The following ARGLU1 variants were observed in gnomAD, a reference collection of about 807,000 sequenced individuals.
ARGLU1 encodes arginine and glutamate-rich protein 1.
Under a neutral mutation model 37.6 loss-of-function variants are expected in ARGLU1, and 9 were observed. The observed-to-expected ratio is 0.24, with a 90% confidence interval of 0.14 to 0.42. The LOEUF (loss-of-function observed/expected upper bound fraction) is 0.42, where lower values mean the gene tolerates loss of function less well. ARGLU1 is among the 10% of genes least tolerant of loss of function. The pLI is 1.00. For missense variants in ARGLU1, 211 were observed against 359.2 expected (o/e 0.59, Z 3.34); for synonymous variants, 166 against 138.5 (o/e 1.20, Z -1.39).
In ARGLU1 at chr13:106,567,885, G is replaced by C; in HGVS notation, c.35C>G (p.Ser12Cys). 6.2e-7 allele frequency: 1 copy of C among 1,610,994 alleles called. No homozygotes were observed. Among genetic ancestry groups the C allele is most frequent in the Non-Finnish European group, 8.5e-7 (1 of 1,179,630 alleles). Residue 12 changes from serine to cysteine, a missense_variant, in exon 1 of 4, where the codon TCC becomes TGC. Physicochemically the swap from Ser to Cys is moderately radical, Grantham distance 112. This residue lies in a region of ARGLU1 where 130 missense variants were observed against 179.8 expected (regional missense o/e 0.72). Transcript: ENST00000400198. This position sits in a 1 kb window ranked among gnomAD's most constrained non-coding sequence, Gnocchi z 4.3. ...GRSRSRSSSR[S>C]KHTKSSKHNK... is the part of the protein sequence containing the mutation. The stretch of plus-strand genomic sequence containing the variant: ...GTGCTTGCTGCTCTTGGTGTGCTTG[G>C]AGCGGGACGAGCTCCGGCTCCGAGA...
chr13:106,557,229 T>TA lies in ARGLU1; in HGVS notation c.574-99dup. 9.3e-7 allele frequency: 1 copy of TA among 1,072,226 alleles called. No homozygotes were observed. Among genetic ancestry groups the TA allele is most frequent in the Admixed American group, 2.0e-5 (1 of 50,460 alleles). The allele number at this position is 1,072,226 out of a possible 1,614,324, so 66.4% of individuals were successfully genotyped here. A position where few individuals can be genotyped will look rare whatever the true frequency, so the allele number is the denominator to read the frequency against. On this transcript the variant is annotated intron_variant, in intron 2 of 3. Transcript: ENST00000400198. This position sits in a 1 kb window ranked among gnomAD's most constrained non-coding sequence, Gnocchi z 5.0. ...TCCTCTGAACTTTTTTGATATGACTTACAGGGTAGCTTTATAGCTACCTTC... is the reference window on the plus strand; with the variant it reads ...TCCTCTGAACTTTTTTGATATGACTTAACAGGGTAGCTTTATAGCTACCTTC...
intron 1 of ARGLU1, among the ~76,000 whole-genome samples, chr13:106,560,203 T>A (rs926086748): frequency 6.6e-6 from 1 of 152,238 alleles, no homozygotes; most frequent in African/African-American, 2.4e-5. Flanking sequence ...AGTTTTGAAC[T>A]GAAGTTCTTT....
At chr13:106,558,054 CA>C in intron 2 of ARGLU1, 1 of 984,986 alleles carries the variant, frequency 1.0e-6, no homozygotes, top group Non-Finnish European at 1.2e-6. Context: ...GAGCAGTGTT[CA>C]GATCACAGCA....
rs11349875 is a variant in ARGLU1 at position 106,543,825 on chromosome 13, G to GA, written c.*170dup. The GA allele has an allele frequency of 0.03, 12,277 of 406,932 alleles. 29 individuals carry two copies. The highest frequency in any genetic ancestry group is 0.065 in the East Asian group (1,406 of 21,586). The allele number at this position is 406,932 out of a possible 1,614,324, so 25.2% of individuals were successfully genotyped here. On this transcript the variant is annotated 3_prime_UTR_variant, in exon 4 of 4. Transcript: ENST00000400198. ...TGATAAGGATTTGACTTAGTGGAAG[G>GA]AAAAAAAAAAAAAAAAAGGGAATTG... is the stretch of plus-strand genomic sequence containing the variant.
chr13:106,563,292 G>A (rs1296641676), intron 1 of ARGLU1, among the ~76,000 whole-genome samples: 2 of 152,082 alleles, frequency 1.3e-5, no homozygotes, highest in African/African-American at 2.4e-5. Flanking sequence ...CCTATGCAGT[G>A]GGTATGTATC....
At chr13:106,554,960 A>G (rs1880626294) in intron 3 of ARGLU1, among the ~76,000 whole-genome samples, 1 of 152,138 alleles carries the variant, frequency 6.6e-6, no homozygotes, top group Admixed American at 6.6e-5. Context: ...ATAAGCAAAC[A>G]TGTTAAATAT....
chr13:106,563,008 A>AC (rs1880857134), intron 1 of ARGLU1, among the ~76,000 whole-genome samples: 1 of 108,746 alleles, frequency 9.2e-6, no homozygotes, highest in Non-Finnish European at 1.8e-5. Context: ...AAAAAAAAAA[A>AC]CAAAAAAAAA....
In ARGLU1 at chr13:106,543,934, A is replaced by T; in HGVS notation, c.*62T>A. On this transcript the variant is annotated 3_prime_UTR_variant, in exon 4 of 4. Transcript: ENST00000400198. ...AAAAACAAAAACAAAAAACCACTTC[A>T]ACATGAAGCTACCATACAAAGTTTT... The T allele has an allele frequency of 6.7e-7, 1 of 1,488,344 alleles. No individual in the cohort carries two copies. The highest frequency in any genetic ancestry group is 9.0e-7 in the Non-Finnish European group (1 of 1,113,850). The allele number at this position is 1,488,344 out of a possible 1,614,324, so 92.2% of individuals were successfully genotyped here.
intron 1 of ARGLU1, among the ~76,000 whole-genome samples, chr13:106,566,050 A>G (rs1224706931): frequency 6.6e-6 from 1 of 152,234 alleles, no homozygotes; most frequent in Non-Finnish European, 1.5e-5. Flanking sequence ...AACTTTTCAT[A>G]CATCCATCTG....
chr13:106,567,800 ACGCTTCCGCACG>A lies in ARGLU1; in HGVS notation c.108_119del (p.Val37_Arg40del), dbSNP rs1881019149. The A allele has an allele frequency of 6.2e-7, 1 of 1,612,638 alleles. No individual in the cohort carries two copies. Among genetic ancestry groups the A allele is most frequent in the African/African-American group, 1.3e-5 (1 of 74,644 alleles). On this transcript the variant is annotated inframe_deletion, in exon 1 of 4. Coordinates refer to ENST00000400198, the MANE Select transcript of ARGLU1 (RefSeq NM_018011.4). This position sits in a 1 kb window ranked among gnomAD's most constrained non-coding sequence, Gnocchi z 4.3. ...TCCGTTTACTTTCCCGAGATTTGGA[ACGCTTCCGCACG>A]CGCTCCTTGTCCCGGGATCGCGACC...
At chr13:106,550,047 C>G (rs1880496657) in intron 3 of ARGLU1, among the ~76,000 whole-genome samples, 1 of 152,124 alleles carries the variant, frequency 6.6e-6, no homozygotes, top group Non-Finnish European at 1.5e-5. Context: ...GTTCTTCTGT[C>G]TTGGTCATTC....
At chr13:106,556,924 A>G (rs921947054) in intron 3 of ARGLU1, 124 bp downstream of exon 3, 3 of 757,262 alleles carry the variant, frequency 4.0e-6, no homozygotes, top group Non-Finnish European at 6.6e-6. Context: ...AAAGCCTTTA[A>G]AGTTAGTCCT....
rs1158307333 is a variant in ARGLU1, at chr13:106,543,470, T to TG, written c.*525dup. 2.0e-5 allele frequency: 3 copies of TG among 152,748 alleles called. No homozygotes were observed. The highest frequency in any genetic ancestry group is 7.2e-5 in the African/African-American group (3 of 41,446). 9.5% of individuals were successfully genotyped at this position (152,748 alleles called of 1,614,324 possible). A position where few individuals can be genotyped will look rare whatever the true frequency, so the allele number is the denominator to read the frequency against. Reference sequence around the variant, plus strand: ...ATACTTTGTATCAGAGTTGACCAACTGTTTCCTTACCTGTATCAGGAACAT... The same window carrying TG: ...ATACTTTGTATCAGAGTTGACCAACTGGTTTCCTTACCTGTATCAGGAACAT... On this transcript the variant is annotated 3_prime_UTR_variant, in exon 4 of 4. Transcript: ENST00000400198.
Position 106,567,122 on chromosome 13 carries a change from C to T in ARGLU1, c.347+451G>A, listed in dbSNP as rs117289276. ...AAATTTGAGCTTCAATAGAATGCTT[C>T]TGGCCAGCTGTGATTCGCATCTCAA... On this transcript the variant is annotated intron_variant, in intron 1 of 3. Coordinates refer to ENST00000400198, the MANE Select transcript of ARGLU1 (RefSeq NM_018011.4). The surrounding 1 kb of genome is among the most constrained non-coding windows in gnomAD (Gnocchi z 4.3). 0.032 allele frequency among the ~76,000 whole-genome samples: 4,910 copies of T among 152,188 alleles called. 104 individuals are homozygous for T. The highest frequency in any genetic ancestry group is 0.052 in the Non-Finnish European group (3,562 of 67,998).
At chr13:106,559,762 CA>C in intron 1 of ARGLU1, 105 bp from the exon 2 acceptor site, 1 of 1,244,866 alleles carries the variant, frequency 8.0e-7, no homozygotes, top group Non-Finnish European at 1.1e-6. Context: ...TGATATTATT[CA>C]GTGATTTTTT....
At chr13:106,564,436 A>ACTT (rs1880902870) in intron 1 of ARGLU1, among the ~76,000 whole-genome samples, 1 of 152,232 alleles carries the variant, frequency 6.6e-6, no homozygotes, top group Non-Finnish European at 1.5e-5. Context: ...GTGGTAAACC[A>ACTT]ATAAGGTTTC....
At chr13:106,546,536 C>A (rs1046043743) in intron 3 of ARGLU1, among the ~76,000 whole-genome samples, 6 of 152,188 alleles carry the variant, frequency 3.9e-5, no homozygotes, top group Non-Finnish European at 7.3e-5. Flanking sequence ...GAACTGCCTG[C>A]TATCGGTCAT....
At chr13:106,545,466 T>C (rs1880365320) in intron 3 of ARGLU1, among the ~76,000 whole-genome samples, 1 of 152,202 alleles carries the variant, frequency 6.6e-6, no homozygotes, top group South Asian at 2.1e-4. Flanking sequence ...TTTATTCAAA[T>C]AAATTCTTCT....
At chr13:106,547,442 AAAG>A (rs1411968288) in intron 3 of ARGLU1, among the ~76,000 whole-genome samples, 1 of 152,220 alleles carries the variant, frequency 6.6e-6, no homozygotes, top group Non-Finnish European at 1.5e-5. Flanking sequence ...TATAGAAAGA[AAAG>A]AATGTGAAAA....
Sources: allele counts gnomAD v4.1 joint callset (sites outside exome capture counted in the v4.1 genomes callset), GRCh38; gene constraint gnomAD v4.1.1; regional missense constraint gnomAD v4.1.1; non-coding constraint Gnocchi (gnomAD v3.1); transcripts MANE v1.5; gene names NCBI Gene and HGNC (gene_info 2026-07-23, HGNC 2026-07-21).